The following NOA1 variants were observed in gnomAD, a reference collection of about 807,000 sequenced individuals.
NOA1 encodes nitric oxide associated 1, also known as nitric oxide-associated protein 1.
In NOA1, 35 loss-of-function variants were observed where a neutral mutation model predicts 58.4. The observed-to-expected ratio is 0.60, with a 90% CI of 0.46 to 0.79. NOA1 has a LOEUF of 0.79. NOA1 is among the 30% of genes least tolerant of loss of function. NOA1 has a pLI of 0.00. For missense variants in NOA1, 895 were observed against 894.6 expected (o/e 1.00, Z -0.01); for synonymous variants, 397 against 373.4 (o/e 1.06, Z -0.73).
chr4:56,967,899 A>C (rs1721744146), intron 4 of NOA1, among the ~76,000 whole-genome samples: 1 of 148,550 alleles, frequency 6.7e-6, no homozygotes, highest in African/African-American at 2.5e-5. Flanking sequence ...ATGAGGGAGT[A>C]GGGCATTTCT....
chr4:56,976,128 A>G lies in NOA1; in HGVS notation c.1144+314T>C, dbSNP rs74672526. ...ACGCACACTTTCTGGAACAATATAC[A>G]AAGAAGTTACAAAGCAAATCTCCAG... On this transcript the variant is annotated intron_variant, in intron 1 of 6. Transcript: ENST00000264230. Among the ~76,000 whole-genome samples, 6 of 152,342 alleles carry G rather than the reference A, an allele frequency of 3.9e-5. No homozygotes were observed. In the East Asian group the frequency reaches 1.2e-3, roughly 29 times the overall value.
At chr4:56,969,552 A>G (rs1471376004) in intron 3 of NOA1, among the ~76,000 whole-genome samples, 1 of 152,208 alleles carries the variant, frequency 6.6e-6, no homozygotes. Flanking sequence ...AGCCTGGGCC[A>G]TAGAGCAAGA....
chr4:56,972,578 C>A (rs1182798246), intron 3 of NOA1, among the ~76,000 whole-genome samples: 1 of 152,130 alleles, frequency 6.6e-6, no homozygotes, highest in Admixed American at 6.5e-5. Context: ...AAATGAGTTA[C>A]CTTGGAAGGT....
At position 56,963,532 on chromosome 4, in the gene NOA1, T is replaced by C; in HGVS notation, c.2015A>G (p.Lys672Arg). ...CTTGGTTTTATAGGCCACACTTTTCTTGATGCGCTGTCCTTTGATGTTAAC... is the reference window on the plus strand; with the variant it reads ...CTTGGTTTTATAGGCCACACTTTTCCTGATGCGCTGTCCTTTGATGTTAAC... Reference protein sequence around the residue: ...YIVNIKGQRIKKSVAYKTKKP... With the variant: ...YIVNIKGQRIRKSVAYKTKKP... Residue 672 changes from lysine (K) to arginine (R), a missense_variant, in exon 7 of 7, where the codon AAG becomes AGG. Lys to Arg is a conservative substitution (Grantham distance 26). Coordinates refer to ENST00000264230, the MANE Select transcript of NOA1 (RefSeq NM_032313.4). 1.2e-6 allele frequency: 2 copies of C among 1,614,140 alleles called. No individual in the cohort carries two copies. The highest frequency in any genetic ancestry group is 2.2e-5 in the East Asian group (1 of 44,878).
chr4:56,966,498 A>G, intron 5 of NOA1, 122 bp downstream of exon 5: 1 of 622,530 alleles, frequency 1.6e-6, no homozygotes, highest in Non-Finnish European at 2.8e-6. Flanking sequence ...GAATGAGGTG[A>G]GGGAAAGCTA....
intron 3 of NOA1, among the ~76,000 whole-genome samples, chr4:56,969,779 A>G (rs993423361): frequency 6.6e-6 from 1 of 151,868 alleles, no homozygotes; most frequent in Non-Finnish European, 1.5e-5. Flanking sequence ...ACTTGAGCTC[A>G]GGAGTTTTTT....
chr4:56,976,719 G>A lies in NOA1; in HGVS notation c.867C>T (p.Pro289=), dbSNP rs763362518. ...LAPGHQGPQR[P]VKDEPQDGEN... is the part of the protein sequence containing the mutation. ...CCCCGTCCTGTGGCTCGTCCTTGAC[G>A]GGGCGCTGTGGCCCTTGGTGGCCAG... is the stretch of plus-strand genomic sequence containing the variant. Residue 289 remains proline (P), a synonymous_variant, in exon 1 of 7, where the codon CCC becomes CCT. Transcript: ENST00000264230. The A allele has an allele frequency of 4.3e-6, 7 of 1,612,366 alleles. No individual in the cohort carries two copies. Among genetic ancestry groups the A allele is most frequent in the Middle Eastern group, 1.7e-4 (1 of 6,054 alleles).
In NOA1 at chr4:56,977,390, C is replaced by A; in HGVS notation, c.196G>T (p.Gly66Cys). ...AACAGAAAACGCTCCTGCATGTCAC[C>A]ACCTTCTCCAAAGCCCTCCGTGTCC... ...PVDTEGFGEG[G>C]DMQERFLFPE... The change falls in exon 1 of 7, where the codon GGT (glycine) becomes TGT (cysteine). Residue 66 changes from glycine (G) to cysteine (C), a missense_variant. Physicochemically the swap from Gly to Cys is radical, Grantham distance 159. Transcript: ENST00000264230. 6.2e-7 allele frequency: 1 copy of A among 1,614,214 alleles called. No homozygotes were observed. Among genetic ancestry groups the A allele is most frequent in the Non-Finnish European group, 8.5e-7 (1 of 1,180,036 alleles).
rs749952292 is a variant in NOA1, at chr4:56,964,427, C to T, written c.1864G>A (p.Asp622Asn). ...TTACCTGCAGAGGAAAACTTGATGT[C>T]GGCCACTGCTTCAGATGCCCCCAGT... ...EGLGASEAVA[D>N]IKFSSAGWVS... The change falls in exon 6 of 7, where the codon GAC becomes AAC. Residue 622 changes from aspartate to asparagine, a missense_variant. Asp to Asn is a conservative substitution (Grantham distance 23). This residue lies in a region of NOA1 where 212 missense variants were observed against 221.3 expected (regional missense o/e 0.96). Transcript: ENST00000264230. 43 of 1,613,956 alleles carry T rather than the reference C, an allele frequency of 2.7e-5. No individual in the cohort carries two copies. The highest frequency in any genetic ancestry group is 3.3e-5 in the Non-Finnish European group (39 of 1,180,008).
intron 5 of NOA1, 137 bp from the exon 6 acceptor site, chr4:56,964,663 C>CAGTTCAAAAGAACTG: frequency 1.1e-6 from 1 of 946,896 alleles, no homozygotes; most frequent in Non-Finnish European, 1.6e-6. Context: ...TTGAAAAGAA[C>CAGTTCAAAAGAACTG]TTGCAATCAC....
chr4:56,964,549 T>C (rs1245196450), intron 5 of NOA1, 23 bp from the exon 6 acceptor site: 1 of 1,608,656 alleles, frequency 6.2e-7, no homozygotes, highest in African/African-American at 1.3e-5. Context: ...TAAAGATATT[T>C]ACAAGTTCAA....
chr4:56,966,774 C>A (rs1721719982), intron 4 of NOA1, 38 bp from the exon 5 acceptor site: 1 of 1,307,562 alleles, frequency 7.6e-7, no homozygotes, highest in Non-Finnish European at 1.1e-6. Context: ...TGGTGAAAAA[C>A]TTGGAAAACC....
Position 56,977,016 on chromosome 4 carries a change from G to A in NOA1, c.570C>T (p.Arg190=), listed in dbSNP as rs1386127528. The A allele has an allele frequency of 5.7e-6, 9 of 1,590,812 alleles. No homozygotes were observed. The highest frequency in any genetic ancestry group is 7.7e-6 in the Non-Finnish European group (9 of 1,173,540). The stretch of plus-strand genomic sequence containing the variant: ...CGCGGCTCACCTGCAGGCGTAGAGC[G>A]CGCCGGTGGTGCGACAGCAGCCAGC... ...QRCWLLSHHR[R]ALRLQVSREQ... is the part of the protein sequence containing the mutation. The change falls in exon 1 of 7, where the codon CGC becomes CGT. Residue 190 remains arginine, a synonymous_variant. Transcript: ENST00000264230.
At chr4:56,969,973 G>A (rs1721785949) in intron 3 of NOA1, among the ~76,000 whole-genome samples, 1 of 151,968 alleles carries the variant, frequency 6.6e-6, no homozygotes, top group African/African-American at 2.4e-5. Flanking sequence ...TAGTAGAGAC[G>A]GGGTTTTGTC....
At chr4:56,965,003 AT>A (rs36105039) in intron 5 of NOA1, among the ~76,000 whole-genome samples, 56,080 of 148,030 alleles carry the variant, frequency 0.38, 10,757 homozygotes, top group Middle Eastern at 0.51. Flanking sequence ...TAATTGAGTA[AT>A]TTTTTTTTTT....
chr4:56,965,910 C>T (rs1262682547), intron 5 of NOA1, among the ~76,000 whole-genome samples: 1 of 144,758 alleles, frequency 6.9e-6, no homozygotes, highest in East Asian at 2.0e-4. Flanking sequence ...AATCATGGCT[C>T]ACCACAGCCT....
chr4:56,967,740 C>G (rs1019125528), intron 4 of NOA1, among the ~76,000 whole-genome samples: 2 of 152,102 alleles, frequency 1.3e-5, no homozygotes, highest in African/African-American at 4.8e-5. Flanking sequence ...AATTTAACGC[C>G]TATAACCCTG....
Position 56,973,902 on chromosome 4 carries a change from T to C in NOA1, c.1265A>G (p.Glu422Gly), listed in dbSNP as rs928289661. ...TTTGAGGACATTAAGCTGATTTTGTTCTTGCTCACTAAGATCTTCTTCAGC... is the reference window on the plus strand; with the variant it reads ...TTTGAGGACATTAAGCTGATTTTGTCCTTGCTCACTAAGATCTTCTTCAGC... ...TQAEEDLSEQ[E>G]QNQLNVLKKH... Residue 422 changes from glutamate to glycine, a missense_variant, in exon 2 of 7, where the codon GAA (glutamate) becomes GGA (glycine). Physicochemically the swap from Glu to Gly is moderately conservative, Grantham distance 98 (BLOSUM62 -2). Around this residue, in one of 3 missense-constraint regions of NOA1, gnomAD observed 680 missense variants for 656.5 expected, o/e 1.04. Coordinates refer to ENST00000264230, the MANE Select transcript of NOA1 (RefSeq NM_032313.4). 1 of 1,614,204 alleles carries C rather than the reference T, an allele frequency of 6.2e-7. No homozygotes were observed. Among genetic ancestry groups the C allele is most frequent in the Non-Finnish European group, 8.5e-7 (1 of 1,180,042 alleles).
rs1721839357 is a variant in NOA1, at chr4:56,973,167, C to A, written c.1496G>T (p.Gly499Val). 1 of 1,614,006 alleles carries A rather than the reference C, an allele frequency of 6.2e-7. No homozygotes were observed. Among genetic ancestry groups the A allele is most frequent in the African/African-American group, 1.3e-5 (1 of 75,004 alleles). Reference sequence around the variant, plus strand: ...ACATACACAATTTTCTTTTGTAATTCCAGGGGTGTCATAAAACCAGTGGGC... The same window carrying A: ...ACATACACAATTTTCTTTTGTAATTACAGGGGTGTCATAAAACCAGTGGGC... ...KDAHWFYDTP[G>V]ITKENCILNL... Residue 499 changes from glycine to valine, a missense_variant, in exon 3 of 7, where the codon GGA becomes GTA. This residue lies in a region of NOA1 where 680 missense variants were observed against 656.5 expected (regional missense o/e 1.04). Transcript: ENST00000264230.
Sources: allele counts gnomAD v4.1 joint callset (sites outside exome capture counted in the v4.1 genomes callset), GRCh38; gene constraint gnomAD v4.1.1; regional missense constraint gnomAD v4.1.1; transcripts MANE v1.5; gene names NCBI Gene and HGNC (gene_info 2026-07-23, HGNC 2026-07-21).